Variants in DOK6 observed in about 807,000 individuals in gnomAD.
DOK6 encodes docking protein 6.
In DOK6, 22 loss-of-function variants were observed where a neutral mutation model predicts 44.0. That is an observed-to-expected ratio of 0.50 (90% CI 0.36 to 0.71). DOK6 has a LOEUF of 0.71. DOK6 is among the 30% of genes least tolerant of loss of function. The pLI, the probability that DOK6 is intolerant of heterozygous loss-of-function variation, is 0.00. For missense variants in DOK6, 340 were observed against 416.4 expected (o/e 0.82, Z 1.60); for synonymous variants, 166 against 145.5 (o/e 1.14, Z -1.01).
intron 2 of DOK6, among the ~76,000 whole-genome samples, chr18:69,579,132 T>C (rs1448154790): frequency 6.6e-6 from 1 of 152,188 alleles, no homozygotes; most frequent in East Asian, 1.9e-4. Flanking sequence ...ATCATAACTG[T>C]TTAATTTCTC....
intron 7 of DOK6, among the ~76,000 whole-genome samples, chr18:69,776,161 G>T (rs1311106121): frequency 6.6e-6 from 1 of 151,794 alleles, no homozygotes; most frequent in Non-Finnish European, 1.5e-5. Flanking sequence ...AGTTTCTAAG[G>T]AAATAGAAAA....
chr18:69,524,981 T>TAAA (rs35522322), intron 1 of DOK6, among the ~76,000 whole-genome samples: 1,953 of 151,238 alleles, frequency 0.013, 14 homozygotes, highest in South Asian at 0.021. Flanking sequence ...AGATTTTCAG[T>TAAA]AAAAAAACAT....
intron 7 of DOK6, among the ~76,000 whole-genome samples, chr18:69,772,660 ATGAAAT>A (rs1246008255): frequency 6.6e-6 from 1 of 151,980 alleles, no homozygotes; most frequent in Non-Finnish European, 1.5e-5. Context: ...ATGCAAAAGA[ATGAAAT>A]TGGACCCCTA....
chr18:69,547,494 C>T (rs550278841), intron 1 of DOK6, among the ~76,000 whole-genome samples: 14 of 151,496 alleles, frequency 9.2e-5, no homozygotes, highest in African/African-American at 3.4e-4. Flanking sequence ...CATGACAAAT[C>T]CACCCCCATG....
chr18:69,545,076 C>T (rs978344881), intron 1 of DOK6, among the ~76,000 whole-genome samples: 2 of 148,766 alleles, frequency 1.3e-5, no homozygotes, highest in Admixed American at 1.3e-4. Context: ...GCCGAGATTG[C>T]GCCACTGCAC....
chr18:69,414,396 C>G, intron 1 of DOK6, among the ~76,000 whole-genome samples: 1 of 152,042 alleles, frequency 6.6e-6, no homozygotes, highest in East Asian at 1.9e-4. Context: ...CAATACTACA[C>G]AGCAGTAACA....
chr18:69,412,168 G>GTTACACCATTTCTTGAAT lies in DOK6; in HGVS notation c.66+10859_66+10860insTACACCATTTCTTGAATT, dbSNP rs566812220. 2.9e-3 allele frequency among the ~76,000 whole-genome samples: 442 copies of GTTACACCATTTCTTGAAT among 152,216 alleles called. 2 individuals carry two copies. The highest frequency in any genetic ancestry group is 0.01 in the Middle Eastern group (3 of 294). ...CATGTGGGCTTTCTTGAATTACTTA[G>GTTACACCATTTCTTGAAT]TACACCATTAACAGAAATGGAACTT... On this transcript the variant is annotated intron_variant, in intron 1 of 7. Transcript: ENST00000382713.
At chr18:69,665,189 GA>G (rs59662616) in intron 3 of DOK6, among the ~76,000 whole-genome samples, 4,592 of 146,122 alleles carry the variant, frequency 0.031, 216 homozygotes, top group African/African-American at 0.1. Flanking sequence ...TCAAAAAAAA[GA>G]AAAAAAAAAT....
intron 6 of DOK6, among the ~76,000 whole-genome samples, chr18:69,755,190 T>G (rs922846206): frequency 2.6e-5 from 4 of 152,170 alleles, no homozygotes; most frequent in African/African-American, 9.7e-5. Flanking sequence ...ACAGGGTGAT[T>G]CAGAAGCAAA....
intron 1 of DOK6, among the ~76,000 whole-genome samples, chr18:69,530,466 T>C (rs1038041084): frequency 1.3e-5 from 2 of 152,114 alleles, no homozygotes; most frequent in Admixed American, 1.3e-4. Flanking sequence ...GGATAGCAGA[T>C]ATGCTTTCAG....
chr18:69,561,096 G>A (rs559843945), intron 1 of DOK6, among the ~76,000 whole-genome samples: 9 of 152,238 alleles, frequency 5.9e-5, no homozygotes, highest in South Asian at 2.1e-4. Flanking sequence ...AGAAAAAAGC[G>A]CTTGAGAAAT....
intron 1 of DOK6, among the ~76,000 whole-genome samples, chr18:69,533,497 A>G (rs1482858211): frequency 6.6e-6 from 1 of 152,194 alleles, no homozygotes; most frequent in Non-Finnish European, 1.5e-5. Context: ...AATGATTCGT[A>G]TTATGCAAAT....
chr18:69,405,649 AT>A (rs1231983845), intron 1 of DOK6, among the ~76,000 whole-genome samples: 1 of 152,158 alleles, frequency 6.6e-6, no homozygotes, highest in African/African-American at 2.4e-5. Flanking sequence ...GCATATGTGC[AT>A]TTGTATATTT....
In DOK6 at chr18:69,842,296, G is replaced by A. The variant is rs1753978671; in HGVS notation, c.*913G>A. ...CATCATGTCATACCCTGTCTTTCTG[G>A]TGAGCGTTTCCTTGTTGCTGACAAT... On this transcript the variant is annotated 3_prime_UTR_variant, in exon 8 of 8. Transcript: ENST00000382713. 2 of 152,092 alleles carry A rather than the reference G, an allele frequency of 1.3e-5. No homozygotes were observed. The highest frequency in any genetic ancestry group is 6.5e-5 in the Admixed American group (1 of 15,268). The allele number at this position is 152,092 out of a possible 1,614,324, so 9.4% of individuals were successfully genotyped here.
chr18:69,817,785 A>G (rs540785434), intron 7 of DOK6, among the ~76,000 whole-genome samples: 1 of 152,248 alleles, frequency 6.6e-6, no homozygotes, highest in South Asian at 2.1e-4. Flanking sequence ...CTAACAACGG[A>G]GTGTAGTCCA....
At chr18:69,426,416 G>A (rs762781285) in intron 1 of DOK6, among the ~76,000 whole-genome samples, 40 of 152,228 alleles carry the variant, frequency 2.6e-4, no homozygotes, top group Non-Finnish European at 3.8e-4. Context: ...AATTATATAC[G>A]CATTTCAGGC....
chr18:69,782,210 ATTTTT>A (rs10712475), intron 7 of DOK6, among the ~76,000 whole-genome samples: 1 of 109,128 alleles, frequency 9.2e-6, no homozygotes, highest in Non-Finnish European at 1.9e-5. Context: ...GTGTTCTAAG[ATTTTT>A]TTTTTTTTTT....
chr18:69,582,789 A>C (rs1160915961), intron 2 of DOK6, among the ~76,000 whole-genome samples: 1 of 152,134 alleles, frequency 6.6e-6, no homozygotes, highest in African/African-American at 2.4e-5. Flanking sequence ...TTGTTAACTC[A>C]TGTACCTGCT....
chr18:69,820,308 A>T (rs1350118809), intron 7 of DOK6, among the ~76,000 whole-genome samples: 1 of 152,220 alleles, frequency 6.6e-6, no homozygotes, highest in African/African-American at 2.4e-5. Context: ...ATTTTCTGCT[A>T]CATAGATTTT....
Sources: gnomAD v4.1 joint callset for allele counts (sites outside exome capture counted in the v4.1 genomes callset) on GRCh38, gnomAD v4.1.1 for gene constraint, MANE v1.5 for transcripts, NCBI Gene and HGNC (gene_info 2026-07-23, HGNC 2026-07-21) for gene names.